The following PKD2L2 variants were observed in gnomAD, a reference collection of about 807,000 sequenced individuals.
The protein encoded by PKD2L2 is polycystin 2 like 2, transient receptor potential cation channel.
Under a neutral mutation model 83.9 loss-of-function variants are expected in PKD2L2, and 67 were observed. That is an observed-to-expected ratio of 0.80 (90% CI 0.66 to 0.98). PKD2L2 has a LOEUF of 0.98. Among genes scored for constraint, PKD2L2 ranks in the 50% least tolerant of loss-of-function variants. PKD2L2 has a pLI of 0.00. For synonymous variants in PKD2L2, 223 were observed against 237.8 expected (o/e 0.94, Z 0.57); for missense variants, 632 against 717.2 (o/e 0.88, Z 1.36).
rs368924967 is a variant in PKD2L2 at position 137,906,711 on chromosome 5, A to AC, written c.975+281dup. 8.7e-3 allele frequency among the ~76,000 whole-genome samples: 1,320 copies of AC among 152,070 alleles called. 16 individuals are homozygous for AC. Among genetic ancestry groups the AC allele is most frequent in the African/African-American group, 0.03 (1,265 of 41,502 alleles). ...TTTAATGTGCACAGTAGGCCTCCCT[A>AC]CCCCTACTTAAAAAATGTATTACTT... On this transcript the variant is annotated intron_variant, in intron 6 of 14. Transcript: ENST00000508883.
chr5:137,918,620 G>A (rs1580958195), intron 8 of PKD2L2, among the ~76,000 whole-genome samples: 2 of 152,176 alleles, frequency 1.3e-5, no homozygotes, highest in African/African-American at 4.8e-5. Flanking sequence ...CCAGCCATGA[G>A]GCTAATGAGT....
intron 8 of PKD2L2, among the ~76,000 whole-genome samples, chr5:137,913,347 C>A (rs1001361206): frequency 6.6e-6 from 1 of 151,182 alleles, no homozygotes; most frequent in Non-Finnish European, 1.5e-5. Context: ...CCACACCCAG[C>A]TGATTTTTAA....
chr5:137,894,737 A>T (rs1756293024), intron 4 of PKD2L2, 128 bp downstream of exon 4: 1 of 685,182 alleles, frequency 1.5e-6, no homozygotes, highest in Non-Finnish European at 2.4e-6. Context: ...AATAGTAAAA[A>T]AGGAAGATGT....
At chr5:137,936,056 T>C (rs1285037082) in intron 13 of PKD2L2, 147 bp downstream of exon 13, 2 of 637,090 alleles carry the variant, frequency 3.1e-6, no homozygotes, top group Non-Finnish European at 5.5e-6. Context: ...AAGTTGCATA[T>C]GACTCCATTT....
intron 12 of PKD2L2, among the ~76,000 whole-genome samples, chr5:137,929,534 CAAAAAAAAAAAAAAAAAA>C (rs756601170): frequency 2.9e-4 from 1 of 3,440 alleles, no homozygotes; most frequent in African/African-American, 1.2e-3. Flanking sequence ...ACAAAATTGC[CAAAAAAAAAAAAAAAAAA>C]AAAAAAACAG....
intron 8 of PKD2L2, among the ~76,000 whole-genome samples, chr5:137,909,688 C>T (rs747262086): frequency 6.6e-6 from 1 of 151,622 alleles, no homozygotes; most frequent in Non-Finnish European, 1.5e-5. Flanking sequence ...GGGTGTGCCA[C>T]CACATCCAGC....
At chr5:137,942,114 T>A in intron 14 of PKD2L2, 1 of 1,326,870 alleles carries the variant, frequency 7.5e-7, no homozygotes, top group South Asian at 1.3e-5. Context: ...AGGTTCTATT[T>A]CTGGCTGCAA....
rs58118724 is a variant in PKD2L2, at chr5:137,914,031, CTTTTTTTTTTTTTTTTTTTTTTTTTT to C, written c.1328+5099_1328+5124del. On this transcript the variant is annotated intron_variant, in intron 8 of 14. Transcript: ENST00000508883. ...TACAGTCATGCACCACCACACTTGG[CTTTTTTTTTTTTTTTTTTTTTTTTTT>C]TTTTTTTTTTTTTGATAGAGACAAG... Among the ~76,000 whole-genome samples the C allele has an allele frequency of 9.4e-5, 4 of 42,342 alleles. No homozygotes were observed. In the South Asian group the frequency reaches 3.6e-3, roughly 38 times the overall value. 27.8% of individuals were successfully genotyped at this position (42,342 alleles called of 152,430 possible). A position where few individuals can be genotyped will look rare whatever the true frequency, so the allele number is the denominator to read the frequency against.
At chr5:137,897,152 G>A (rs1407712035) in intron 4 of PKD2L2, among the ~76,000 whole-genome samples, 2 of 150,936 alleles carry the variant, frequency 1.3e-5, no homozygotes, top group East Asian at 2.0e-4. Flanking sequence ...GACCTCCGGG[G>A]CTCAAGCAAT....
At chr5:137,902,326 A>C (rs182596011) in intron 5 of PKD2L2, among the ~76,000 whole-genome samples, 1 of 152,174 alleles carries the variant, frequency 6.6e-6, no homozygotes, top group Admixed American at 6.5e-5. Context: ...ACTATGTAAA[A>C]TCTGTAAAGT....
At position 137,936,349 on chromosome 5, in the gene PKD2L2, A is replaced by G. The variant is rs1218165786; in HGVS notation, c.1814A>G (p.Lys605Arg). The change falls in exon 14 of 15, where the codon AAG becomes AGG. Residue 605 changes from lysine to arginine, a missense_variant. This residue lies in a region of PKD2L2 where 399 missense variants were observed against 416.9 expected (regional missense o/e 0.96). Coordinates refer to ENST00000508883, the MANE Select transcript of PKD2L2 (RefSeq NM_001300921.2). ...TTTTTATATGCTGTGGAGCTGGAGA[A>G]GGAATTACACTACATCAATTTGAAG... ...ELFLYAVELE[K>R]ELHYINLKLN... 2.6e-5 allele frequency: 40 copies of G among 1,532,156 alleles called. 1 individual carries two copies. In the East Asian group the frequency reaches 9.5e-4, roughly 37 times the overall value. 94.9% of individuals were successfully genotyped at this position (1,532,156 alleles called of 1,614,324 possible). A position where few individuals can be genotyped will look rare whatever the true frequency, so the allele number is the denominator to read the frequency against.
intron 8 of PKD2L2, among the ~76,000 whole-genome samples, chr5:137,917,282 A>C (rs967929976): frequency 1.3e-5 from 2 of 150,036 alleles, no homozygotes; most frequent in Admixed American, 6.7e-5. Flanking sequence ...CTCCTGTCTC[A>C]GTCTCCTGAG....
At chr5:137,907,658 C>CT in intron 6 of PKD2L2, 84 bp from the exon 7 acceptor site, 4 of 773,102 alleles carry the variant, frequency 5.2e-6, no homozygotes, top group Non-Finnish European at 7.6e-6. Context: ...TTTTGATGAA[C>CT]TTTTTTTGTG....
chr5:137,916,899 C>A (rs1758408505), intron 8 of PKD2L2, among the ~76,000 whole-genome samples: 1 of 152,048 alleles, frequency 6.6e-6, no homozygotes, highest in African/African-American at 2.4e-5. Context: ...GATGAGCTGT[C>A]AAGATTCTCT....
chr5:137,939,799 T>C, intron 14 of PKD2L2: 6 of 1,175,564 alleles, frequency 5.1e-6, no homozygotes, highest in Non-Finnish European at 6.4e-6. Flanking sequence ...TTTTCAGTCA[T>C]TCTGTAAGAA....
chr5:137,890,063 T>C lies in PKD2L2; in HGVS notation c.32-418T>C, dbSNP rs567211183. ...ACTTTGGGAGGCCGAGGCGGGCGGA[T>C]CACAAGGTCAAGAGATCGAGACCAT... is the stretch of plus-strand genomic sequence containing the variant. On this transcript the variant is annotated intron_variant, in intron 1 of 14. Transcript: ENST00000508883. 1.9e-5 allele frequency: 3 copies of C among 159,854 alleles called. No individual in the cohort carries two copies. The East Asian group carries it at 5.6e-4, about 30-fold the overall frequency. The allele number at this position is 159,854 out of a possible 1,614,324, so 9.9% of individuals were successfully genotyped here.
intron 8 of PKD2L2, among the ~76,000 whole-genome samples, chr5:137,918,280 A>T (rs1393604569): frequency 6.6e-6 from 1 of 152,118 alleles, no homozygotes; most frequent in Non-Finnish European, 1.5e-5. Context: ...ATGACTTTTT[A>T]ACTTACCCTT....
rs1761256175 is a variant in PKD2L2, at chr5:137,940,304, C to T, written c.*18-2080C>T. 1.2e-6 allele frequency: 2 copies of T among 1,609,340 alleles called. No homozygotes were observed. The highest frequency in any genetic ancestry group is 1.7e-6 in the Non-Finnish European group (2 of 1,175,742). On this transcript the variant is annotated intron_variant, in intron 14 of 14. Transcript: ENST00000508883. ...CTTGGCTTTAATTTTCTTGTACTCT[C>T]TGTACTCCTCAAGCACTGGAACACG...
chr5:137,892,678 G>C, intron 3 of PKD2L2, 65 bp downstream of exon 3: 1 of 1,224,692 alleles, frequency 8.2e-7, no homozygotes, highest in Non-Finnish European at 1.2e-6. Context: ...GGCATACACA[G>C]TGGGCACTCA....
Sources: allele counts gnomAD v4.1 joint callset (sites outside exome capture counted in the v4.1 genomes callset), GRCh38; gene constraint gnomAD v4.1.1; regional missense constraint gnomAD v4.1.1; transcripts MANE v1.5; gene names NCBI Gene and HGNC (gene_info 2026-07-23, HGNC 2026-07-21).